Variants in SLIT3 observed in about 807,000 individuals in gnomAD.
SLIT3 encodes slit homolog 3 protein.
Under a neutral mutation model 184.0 loss-of-function variants are expected in SLIT3, and 68 were observed. That is an observed-to-expected ratio of 0.37 (90% CI 0.30 to 0.45). The LOEUF is 0.45. Ranked by LOEUF, SLIT3 falls within the 20% of genes least tolerant of loss-of-function variation. SLIT3 has a pLI of 1.00. For missense variants in SLIT3, 1,707 were observed against 2,026.0 expected (o/e 0.84, Z 3.02); for synonymous variants, 831 against 828.6 (o/e 1.00, Z -0.05).
chr5:169,137,335 C>CAGAGAGAG (rs1554101372), intron 4 of SLIT3, among the ~76,000 whole-genome samples: 88 of 138,656 alleles, frequency 6.3e-4, no homozygotes, highest in East Asian at 2.8e-3. Context: ...CACACACACA[C>CAGAGAGAG]AGAGAGAGAG....
At chr5:169,179,541 C>T (rs1265910658) in intron 4 of SLIT3, among the ~76,000 whole-genome samples, 1 of 152,168 alleles carries the variant, frequency 6.6e-6, no homozygotes, top group East Asian at 1.9e-4. Flanking sequence ...CAGTCTCAAG[C>T]ACTGGCTCAC....
At position 169,180,941 on chromosome 5, in the gene SLIT3, T is replaced by C. The variant is rs530335557; in HGVS notation, c.413+12538A>G. ...AATGAAAGTCCCTGAAGGTCTCAGT[T>C]GGAAGCCTGACCCATGCACATCTCT... On this transcript the variant is annotated intron_variant, in intron 4 of 35. Coordinates refer to ENST00000519560, the MANE Select transcript of SLIT3 (RefSeq NM_003062.4). Among the ~76,000 whole-genome samples the C allele has an allele frequency of 8.5e-5, 13 of 152,296 alleles. No individual in the cohort carries two copies. In the South Asian group the frequency reaches 2.7e-3, roughly 32 times the overall value.
chr5:168,741,196 C>T (rs1763622892), intron 20 of SLIT3, among the ~76,000 whole-genome samples: 1 of 152,174 alleles, frequency 6.6e-6, no homozygotes, highest in African/African-American at 2.4e-5. Context: ...TGCCTCCAGG[C>T]ACGGAGGCTC....
intron 4 of SLIT3, among the ~76,000 whole-genome samples, chr5:169,187,111 G>GTTTTTTTTTTTTTTTTTTTTTTTTTTTTT (rs761501769): frequency 1.1e-5 from 1 of 94,418 alleles, no homozygotes; most frequent in African/African-American, 4.2e-5. Context: ...GCAGCTATAG[G>GTTTTTTTTTTTTTTTTTTTTTTTTTTTTT]TTTTTTTTTT....
Position 169,050,269 on chromosome 5 carries a change from C to T in SLIT3, c.413+143210G>A, listed in dbSNP as rs545797549. On this transcript the variant is annotated intron_variant, in intron 4 of 35. Transcript: ENST00000519560. Reference sequence around the variant, plus strand: ...CTGTATCTCCTCATGCACAAATCCCCAAAGCCTGTGAGCTCTTTCTTGAGA... The same window carrying T: ...CTGTATCTCCTCATGCACAAATCCCTAAAGCCTGTGAGCTCTTTCTTGAGA... Among the ~76,000 whole-genome samples the T allele has an allele frequency of 2.6e-5, 4 of 152,340 alleles. No homozygotes were observed. In the South Asian group the frequency reaches 8.3e-4, roughly 32 times the overall value.
chr5:169,233,258 C>T (rs1425797344), intron 3 of SLIT3, among the ~76,000 whole-genome samples: 5 of 152,150 alleles, frequency 3.3e-5, no homozygotes, highest in African/African-American at 1.2e-4. Context: ...CTCCAGACCT[C>T]GTGATCTGCC....
intron 1 of SLIT3, among the ~76,000 whole-genome samples, chr5:169,262,357 A>T (rs1383940517): frequency 5.9e-5 from 9 of 152,192 alleles, no homozygotes; most frequent in Admixed American, 5.9e-4. Context: ...GGTGTCCAGG[A>T]AGAACCTCTC....
At chr5:169,282,533 G>A (rs914524717) in intron 1 of SLIT3, among the ~76,000 whole-genome samples, 5 of 152,138 alleles carry the variant, frequency 3.3e-5, no homozygotes, top group African/African-American at 7.2e-5. Flanking sequence ...TGTTGAACTC[G>A]CCCTAGTTAT....
chr5:169,245,353 A>T (rs1042323662), intron 2 of SLIT3, among the ~76,000 whole-genome samples: 2 of 152,176 alleles, frequency 1.3e-5, no homozygotes, highest in Non-Finnish European at 2.9e-5. Context: ...CACCCGCCTC[A>T]GTCCTCCAAG....
intron 3 of SLIT3, among the ~76,000 whole-genome samples, chr5:169,217,902 G>A (rs6872267): frequency 0.026 from 4,022 of 152,234 alleles, 189 homozygotes; most frequent in African/African-American, 0.092. Context: ...GCTGTTTCCC[G>A]GCTGTCCAGC....
At chr5:169,263,603 G>A (rs1766279925) in intron 1 of SLIT3, 1 of 483,008 alleles carries the variant, frequency 2.1e-6, no homozygotes, top group Non-Finnish European at 4.1e-6. Context: ...GTGGTACATT[G>A]TTACAGCAGC....
intron 4 of SLIT3, among the ~76,000 whole-genome samples, chr5:168,957,363 C>A (rs973273870): frequency 1.3e-5 from 2 of 152,170 alleles, no homozygotes; most frequent in African/African-American, 4.8e-5. Context: ...CTGTGCCCAG[C>A]CCCTTCAGCC....
chr5:169,233,485 T>C (rs1765083578), intron 3 of SLIT3, among the ~76,000 whole-genome samples: 1 of 151,394 alleles, frequency 6.6e-6, no homozygotes. Context: ...TTAGGAAGAA[T>C]AGCTAACGTG....
chr5:169,281,005 G>A (rs532907299), intron 1 of SLIT3, among the ~76,000 whole-genome samples: 4 of 152,250 alleles, frequency 2.6e-5, no homozygotes, highest in East Asian at 3.9e-4. Flanking sequence ...GGCAGCTGAC[G>A]TACTGTCTCA....
intron 4 of SLIT3, among the ~76,000 whole-genome samples, chr5:169,068,893 C>T (rs186855229): frequency 2.0e-5 from 3 of 152,016 alleles, no homozygotes; most frequent in Admixed American, 6.5e-5. Context: ...AAAAGTTTAC[C>T]TTCTAAAGTA....
rs563777403 is a variant in SLIT3, at chr5:168,994,219, G to A, written c.414-110883C>T. The A allele has an allele frequency of 2.0e-5, 3 of 152,348 alleles. No individual in the cohort carries two copies. In the South Asian group the frequency reaches 6.2e-4, roughly 32 times the overall value. 9.4% of individuals were successfully genotyped at this position (152,348 alleles called of 1,614,324 possible). On this transcript the variant is annotated intron_variant, in intron 4 of 35. Transcript: ENST00000519560. Reference sequence around the variant, plus strand: ...AGTCATGACCCTAAAGAAAAACAAGGTGAATGGAATCCTCAGTGCTGGGAT... The same window carrying A: ...AGTCATGACCCTAAAGAAAAACAAGATGAATGGAATCCTCAGTGCTGGGAT...
At chr5:168,682,851 C>T (rs1582524265) in intron 32 of SLIT3, among the ~76,000 whole-genome samples, 1 of 152,178 alleles carries the variant, frequency 6.6e-6, no homozygotes, top group Admixed American at 6.5e-5. Flanking sequence ...TAAGGTTTGG[C>T]TCTCCTTCTA....
chr5:168,712,459 G>GTGGGGCTCTGAGCAA, intron 23 of SLIT3, 105 bp from the exon 24 acceptor site: 1 of 928,570 alleles, frequency 1.1e-6, no homozygotes, highest in Non-Finnish European at 1.8e-6. Flanking sequence ...GTTTTGCTCA[G>GTGGGGCTCTGAGCAA]AGCCCCACTG....
chr5:168,982,004 CATGATATTAACCACCTATAT>C (rs1303398925), intron 4 of SLIT3, among the ~76,000 whole-genome samples: 4 of 152,196 alleles, frequency 2.6e-5, no homozygotes, highest in Non-Finnish European at 4.4e-5. Context: ...CATTTGTGTA[CATGATATTAACCACCTATAT>C]ATGATATTAA....
Sources: allele counts gnomAD v4.1 joint callset (sites outside exome capture counted in the v4.1 genomes callset), GRCh38; gene constraint gnomAD v4.1.1; transcripts MANE v1.5; gene names NCBI Gene and HGNC (gene_info 2026-07-23, HGNC 2026-07-21).